Variants in LRCH3 observed in about 807,000 individuals in gnomAD.
The protein encoded by LRCH3 is DISP complex protein LRCH3.
LRCH3 carries 68 observed loss-of-function variants against 104.5 expected under a neutral mutation model. The observed-to-expected ratio is 0.65, with a 90% confidence interval of 0.54 to 0.80. LRCH3 has a LOEUF of 0.80. Among genes scored for constraint, LRCH3 ranks in the 30% least tolerant of loss-of-function variants. LRCH3 has a pLI of 0.00. For synonymous variants in LRCH3, 344 were observed against 361.3 expected (o/e 0.95, Z 0.54); for missense variants, 951 against 953.9 (o/e 1.00, Z 0.04).
intron 10 of LRCH3, among the ~76,000 whole-genome samples, chr3:197,846,207 G>A (rs748117063): frequency 1.1e-4 from 17 of 151,950 alleles, no homozygotes; most frequent in Admixed American, 2.6e-4. Context: ...GTTTGAGAGC[G>A]ACCTGGGTTA....
intron 10 of LRCH3, among the ~76,000 whole-genome samples, chr3:197,840,057 G>C (rs1737568225): frequency 1.3e-5 from 2 of 152,052 alleles, no homozygotes; most frequent in African/African-American, 4.8e-5. Context: ...GGATAACAGA[G>C]AGAAATAGTC....
At position 197,839,965 on chromosome 3, in the gene LRCH3, C is replaced by T. The variant is rs143121227; in HGVS notation, c.1328+568C>T. Among the ~76,000 whole-genome samples, 502 of 146,498 alleles carry T rather than the reference C, an allele frequency of 3.4e-3. 1 individual carries two copies. Among genetic ancestry groups the T allele is most frequent in the African/African-American group, 0.012 (465 of 38,556 alleles). ...CCAACCTGGGCAACAGAGTGAGACC[C>T]TGTCTCAAAAAAAAAAAAAAATACA... On this transcript the variant is annotated intron_variant, in intron 10 of 20. Transcript: ENST00000425562.
At chr3:197,791,640 C>T (rs1047181136) in intron 1 of LRCH3, 100 bp downstream of exon 1, 3 of 1,338,550 alleles carry the variant, frequency 2.2e-6, no homozygotes, top group African/African-American at 3.1e-5. Flanking sequence ...CAGCTCGTCC[C>T]GTAGGCGCCG....
intron 20 of LRCH3, among the ~76,000 whole-genome samples, chr3:197,880,106 C>T (rs992468815): frequency 8.0e-5 from 12 of 150,584 alleles, no homozygotes; most frequent in South Asian, 4.2e-4. Context: ...CCACCACGCC[C>T]GGCTAATTTT....
At chr3:197,878,579 C>CT (rs753630686) in intron 20 of LRCH3, among the ~76,000 whole-genome samples, 49 of 152,318 alleles carry the variant, frequency 3.2e-4, no homozygotes, top group Non-Finnish European at 6.3e-4. Context: ...TAGGCTGCCC[C>CT]TTCCTTCTCC....
Position 197,814,970 on chromosome 3 carries a change from A to G in LRCH3, c.325A>G (p.Asn109Asp). The G allele has an allele frequency of 6.2e-7, 1 of 1,600,822 alleles. No homozygotes were observed. Among genetic ancestry groups the G allele is most frequent in the Non-Finnish European group, 8.5e-7 (1 of 1,173,810 alleles). ...IEACHFVSLE[N>D]LNLYQNCIRY... ...AGCATGTCACTTTGTTTCTCTGGAA[A>G]ATCTCAACTTGTACCAAAATTGTAT... Residue 109 changes from asparagine to aspartate, a missense_variant, in exon 2 of 21, where the codon AAT becomes GAT. Transcript: ENST00000425562.
At chr3:197,844,627 T>C (rs543100516) in intron 10 of LRCH3, among the ~76,000 whole-genome samples, 15 of 151,094 alleles carry the variant, frequency 9.9e-5, no homozygotes, top group African/African-American at 3.6e-4. Context: ...TTTTTTGTTT[T>C]TTTTTTTCCC....
At chr3:197,879,649 A>G (rs930723730) in intron 20 of LRCH3, among the ~76,000 whole-genome samples, 3 of 151,850 alleles carry the variant, frequency 2.0e-5, no homozygotes, top group Admixed American at 2.0e-4. Flanking sequence ...ATAAAATAAA[A>G]CAGACACCCT....
chr3:197,860,231 G>A (rs1171355522), intron 15 of LRCH3, among the ~76,000 whole-genome samples: 2 of 152,046 alleles, frequency 1.3e-5, no homozygotes, highest in African/African-American at 2.4e-5. Context: ...CAAACTCCTG[G>A]GCTCAAGAGA....
intron 12 of LRCH3, 26 bp from the exon 13 acceptor site, chr3:197,852,535 T>C (rs764683933): frequency 1.2e-6 from 2 of 1,612,712 alleles, no homozygotes; most frequent in South Asian, 2.2e-5. Context: ...CAACTTCCTT[T>C]TTTGGGGGGT....
chr3:197,865,386 G>T, intron 15 of LRCH3, 37 bp from the exon 16 acceptor site: 1 of 1,385,382 alleles, frequency 7.2e-7, no homozygotes, highest in South Asian at 1.2e-5. Flanking sequence ...ATTTCTTCTT[G>T]AATAACAATT....
intron 15 of LRCH3, among the ~76,000 whole-genome samples, chr3:197,860,316 T>C (rs1202243988): frequency 6.6e-6 from 1 of 152,202 alleles, no homozygotes; most frequent in African/African-American, 2.4e-5. Context: ...TAAATGACAG[T>C]TACTTTCCAC....
chr3:197,805,788 G>A (rs73892114), intron 1 of LRCH3, among the ~76,000 whole-genome samples: 8 of 152,192 alleles, frequency 5.3e-5, no homozygotes, highest in African/African-American at 1.9e-4. Context: ...AGAAAATCTA[G>A]GGGAAAAGAG....
At chr3:197,830,626 T>A (rs1250196840) in intron 6 of LRCH3, 144 bp from the exon 7 acceptor site, 2 of 609,998 alleles carry the variant, frequency 3.3e-6, no homozygotes, top group Non-Finnish European at 5.8e-6. Context: ...TTGGAATTTT[T>A]CATATTAAAA....
rs775178381 is a variant in LRCH3, at chr3:197,820,426, T to G, written c.636T>G (p.Pro212=). Reference sequence around the variant, plus strand: ...GAAGAAATCACCTAGTACATTTGCCTGAAGGTAAGAAACTATGAAATAAGA... The same window carrying G: ...GAAGAAATCACCTAGTACATTTGCCGGAAGGTAAGAAACTATGAAATAAGA... The part of the protein sequence containing the change: ...NVRRNHLVHL[P]EELAELPLIR... The change falls in exon 4 of 21, where the codon CCT becomes CCG. Residue 212 remains proline (P), a synonymous_variant. Transcript: ENST00000425562. The G allele has an allele frequency of 7.1e-6, 11 of 1,555,522 alleles. No homozygotes were observed. In the East Asian group the frequency reaches 2.2e-4, roughly 32 times the overall value.
At chr3:197,881,720 A>T in intron 20 of LRCH3, 2 of 985,418 alleles carry the variant, frequency 2.0e-6, no homozygotes, top group Non-Finnish European at 2.4e-6. Flanking sequence ...GTTTCTGAAT[A>T]TTCAGGAACC....
Position 197,856,702 on chromosome 3 carries a change from T to G in LRCH3, c.1645-2132T>G, listed in dbSNP as rs564880705. Among the ~76,000 whole-genome samples the G allele has an allele frequency of 1.2e-4, 19 of 152,152 alleles. No individual in the cohort carries two copies. The highest frequency in any genetic ancestry group is 2.2e-4 in the Non-Finnish European group (15 of 68,030). ...GTGCCCAGCTTGTTTATTCTTTTATTATCTCTTTTCTGTTGGACTACTAGA... is the reference window on the plus strand; with the variant it reads ...GTGCCCAGCTTGTTTATTCTTTTATGATCTCTTTTCTGTTGGACTACTAGA... On this transcript the variant is annotated intron_variant, in intron 14 of 20. Coordinates refer to ENST00000425562, the MANE Select transcript of LRCH3 (RefSeq NM_001365715.1). The surrounding 1 kb of genome is among the most constrained non-coding windows in gnomAD (Gnocchi z 4.2).
intron 14 of LRCH3, 107 bp from the exon 15 acceptor site, chr3:197,858,727 C>T (rs59909069): frequency 0.12 from 109,339 of 910,330 alleles, 8,034 homozygotes; most frequent in African/African-American, 0.28. Flanking sequence ...TTTGAAAGAT[C>T]GTCAGTGACC....
In LRCH3 at chr3:197,868,250, A is replaced by G. The variant is rs79767990; in HGVS notation, c.1874-1910A>G. Among the ~76,000 whole-genome samples, 3 of 152,340 alleles carry G rather than the reference A, an allele frequency of 2.0e-5. No homozygotes were observed. In the East Asian group the frequency reaches 5.8e-4, roughly 29 times the overall value. On this transcript the variant is annotated intron_variant, in intron 17 of 20. Coordinates refer to ENST00000425562, the MANE Select transcript of LRCH3 (RefSeq NM_001365715.1). ...CAACGATAATAAACAATGCCACAAT[A>G]AAGAAATAATACTAATTTTGAAATA...
Sources: allele counts gnomAD v4.1 joint callset (sites outside exome capture counted in the v4.1 genomes callset), GRCh38; gene constraint gnomAD v4.1.1; non-coding constraint Gnocchi (gnomAD v3.1); transcripts MANE v1.5; gene names NCBI Gene and HGNC (gene_info 2026-07-23, HGNC 2026-07-21).